Variants in NDUFV1 observed in about 807,000 individuals in gnomAD.
The protein encoded by NDUFV1 is NADH:ubiquinone oxidoreductase core subunit V1.
A neutral mutation model predicts 48.7 loss-of-function variants in NDUFV1; 41 were observed. The ratio of observed to expected loss-of-function variants is 0.84; its 90% confidence interval spans 0.66 to 1.09. The LOEUF (loss-of-function observed/expected upper bound fraction) is 1.09, where lower values mean the gene tolerates loss of function less well. NDUFV1 is among the 50% of genes least tolerant of loss of function. The pLI, the probability that NDUFV1 is intolerant of heterozygous loss-of-function variation, is 0.00. For synonymous variants in NDUFV1, 231 were observed against 259.1 expected, an observed-to-expected ratio of 0.89 and a Z score of 1.04; for missense variants, 580 against 645.4, an observed-to-expected ratio of 0.90 and a Z score of 1.10.
In NDUFV1 at chr11:67,609,522, C is replaced by T. The variant is rs1453596973; in HGVS notation, c.397C>T (p.His133Tyr). The change falls in exon 4 of 10, where the codon CAT becomes TAT. Residue 133 changes from histidine (H) to tyrosine (Y), a missense_variant. His to Tyr is a moderately conservative substitution (Grantham distance 83). Transcript: ENST00000322776. ...CTGCAAGGACCGGGAGATCTTACGC[C>T]ATGATCCTCACAAGCTGCTGGAAGG... ...GTCKDREILRHDPHKLLEGCL... is the reference protein window; with the variant it reads ...GTCKDREILRYDPHKLLEGCL... 1 of 1,613,394 alleles carries T rather than the reference C, an allele frequency of 6.2e-7. No homozygotes were observed. The highest frequency in any genetic ancestry group is 1.3e-5 in the African/African-American group (1 of 74,912).
intron 4 of NDUFV1, chr11:67,610,115 C>T: frequency 3.8e-6 from 2 of 529,872 alleles, no homozygotes; most frequent in South Asian, 2.2e-5. Flanking sequence ...CCTTTACAGA[C>T]TAGGGTAGTT....
At position 67,611,332 on chromosome 11, in the gene NDUFV1, T is replaced by C; in HGVS notation, c.914-71T>C. The C allele has an allele frequency of 1.3e-6, 2 of 1,599,052 alleles. No individual in the cohort carries two copies. Among genetic ancestry groups the C allele is most frequent in the Non-Finnish European group, 1.7e-6 (2 of 1,171,044 alleles). ...CTAGGGGCTGACTAAGGGCCTGGGC[T>C]CAGGACTAGGCAGGTGTGCCGGCCC... On this transcript the variant is annotated intron_variant, in intron 6 of 9. Transcript: ENST00000322776. This position sits in a 1 kb window ranked among gnomAD's most constrained non-coding sequence, Gnocchi z 4.2.
rs1316287327 is a variant in NDUFV1, at chr11:67,606,993, TGGCCCGCCGCGATGCTGGCAACAC to T, written c.-8_16del. The T allele has an allele frequency of 5.6e-6, 9 of 1,608,880 alleles. No homozygotes were observed. Among genetic ancestry groups the T allele is most frequent in the Non-Finnish European group, 7.6e-6 (9 of 1,178,388 alleles). On this transcript the variant is annotated start_lost and 5_prime_UTR_variant, in exon 1 of 10. Coordinates refer to ENST00000322776, the MANE Select transcript of NDUFV1 (RefSeq NM_007103.4). ...AGGTGACAGCGTGAGGTGACCCATC[TGGCCCGCCGCGATGCTGGCAACAC>T]GGCGGCTGCTCGGCTGGTCGCTTCC...
At position 67,611,244 on chromosome 11, in the gene NDUFV1, G is replaced by A. The variant is rs533111466; in HGVS notation, c.913+37G>A. ...GGCCAGCCAGGTGGTGGGGGGGTGC[G>A]CAGTGGGGGCAGGTGTCCACAAAGA... On this transcript the variant is annotated intron_variant, in intron 6 of 9. Coordinates refer to ENST00000322776, the MANE Select transcript of NDUFV1 (RefSeq NM_007103.4). The surrounding 1 kb of genome is among the most constrained non-coding windows in gnomAD (Gnocchi z 4.2). 3.2e-5 allele frequency: 49 copies of A among 1,526,728 alleles called. No homozygotes were observed. The highest frequency in any genetic ancestry group is 9.0e-5 in the East Asian group (4 of 44,388). The allele number at this position is 1,526,728 out of a possible 1,614,324, so 94.6% of individuals were successfully genotyped here.
chr11:67,609,760 G>C, intron 4 of NDUFV1, 125 bp downstream of exon 4: 1 of 1,129,226 alleles, frequency 8.9e-7, no homozygotes, highest in Non-Finnish European at 1.3e-6. Context: ...GGGGAGTGGT[G>C]GCCAGTCCTG....
In NDUFV1 at chr11:67,612,154, C is replaced by A; in HGVS notation, c.1197C>A (p.Phe399Leu). The A allele has an allele frequency of 6.2e-7, 1 of 1,613,532 alleles. No homozygotes were observed. Among genetic ancestry groups the A allele is most frequent in the East Asian group, 2.2e-5 (1 of 44,786 alleles). Residue 399 changes from phenylalanine to leucine, a missense_variant, in exon 9 of 10, where the codon TTC becomes TTA. Physicochemically the swap from Phe to Leu is conservative, Grantham distance 22 (BLOSUM62 0). Transcript: ENST00000322776. The surrounding 1 kb of genome is among the most constrained non-coding windows in gnomAD (Gnocchi z 4.4). ...GGATGAACAAGGTGATGGCACGTTT[C>A]GTGAGGGGGGATGCCCGGCCGGCCG... ...VDWMNKVMAR[F>L]VRGDARPAEI... is the part of the protein sequence containing the mutation.
rs185768908 is a variant in NDUFV1, at chr11:67,610,600, T to A, written c.700+30T>A. The A allele has an allele frequency of 7.8e-5, 126 of 1,611,980 alleles. No homozygotes were observed. In the African/African-American group the frequency reaches 1.5e-3, roughly 19 times the overall value. ...GGCCTGGCGTAACCCTGGGTCAGACTGTGTCCTGTGACACCCGGGATCTGG... is the reference window on the plus strand; with the variant it reads ...GGCCTGGCGTAACCCTGGGTCAGACAGTGTCCTGTGACACCCGGGATCTGG... On this transcript the variant is annotated intron_variant, in intron 5 of 9. Coordinates refer to ENST00000322776, the MANE Select transcript of NDUFV1 (RefSeq NM_007103.4).
In NDUFV1 at chr11:67,612,097, C is replaced by G. The variant is rs1238918850; in HGVS notation, c.1163-23C>G. 1 of 1,613,558 alleles carries G rather than the reference C, an allele frequency of 6.2e-7. No homozygotes were observed. Among genetic ancestry groups the G allele is most frequent in the South Asian group, 1.1e-5 (1 of 91,054 alleles). On this transcript the variant is annotated intron_variant, in intron 8 of 9. Coordinates refer to ENST00000322776, the MANE Select transcript of NDUFV1 (RefSeq NM_007103.4). The surrounding 1 kb of genome is among the most constrained non-coding windows in gnomAD (Gnocchi z 4.4). Reference sequence around the variant, plus strand: ...TCCTGGCTGGGGAGATCATCAGGCCCTCTCTTGTGGCTGTGGCTGCAGGTG... The same window carrying G: ...TCCTGGCTGGGGAGATCATCAGGCCGTCTCTTGTGGCTGTGGCTGCAGGTG...
rs1854895045 is a variant in NDUFV1 at position 67,610,587 on chromosome 11, C to T, written c.700+17C>T. On this transcript the variant is annotated intron_variant, in intron 5 of 9. Transcript: ENST00000322776. ...CAGACGTGGGTAAGGCCTGGCGTAA[C>T]CCTGGGTCAGACTGTGTCCTGTGAC... 8 of 1,613,108 alleles carry T rather than the reference C, an allele frequency of 5.0e-6. No individual in the cohort carries two copies. The highest frequency in any genetic ancestry group is 2.2e-5 in the South Asian group (2 of 91,026).
At chr11:67,607,723 C>T (rs1324224300) in intron 1 of NDUFV1, 4 of 341,494 alleles carry the variant, frequency 1.2e-5, no homozygotes, top group South Asian at 6.6e-5. Context: ...TGTGTGGTGC[C>T]GTGATGCAGC....
At chr11:67,610,277 G>A in intron 4 of NDUFV1, 104 bp from the exon 5 acceptor site, 6 of 1,344,358 alleles carry the variant, frequency 4.5e-6, no homozygotes, top group Non-Finnish European at 6.4e-6. Context: ...AGGAGCATTA[G>A]GAGCTTCACC....
chr11:67,610,973 T>C, intron 5 of NDUFV1, 22 bp from the exon 6 acceptor site: 1 of 1,613,558 alleles, frequency 6.2e-7, no homozygotes, highest in African/African-American at 1.3e-5. Flanking sequence ...CAGCCACCAG[T>C]TCTCTTCCCA....
chr11:67,611,194 T>G lies in NDUFV1; in HGVS notation c.900T>G (p.Ile300Met), dbSNP rs1371788537. 1 of 1,612,914 alleles carries G rather than the reference T, an allele frequency of 6.2e-7. No homozygotes were observed. Among genetic ancestry groups the G allele is most frequent in the Non-Finnish European group, 8.5e-7 (1 of 1,179,644 alleles). The change falls in exon 6 of 10, where the codon ATT becomes ATG. Residue 300 changes from isoleucine (I) to methionine (M), a missense_variant. Ile to Met is a conservative substitution (Grantham distance 10). Coordinates refer to ENST00000322776, the MANE Select transcript of NDUFV1 (RefSeq NM_007103.4). This position sits in a 1 kb window ranked among gnomAD's most constrained non-coding sequence, Gnocchi z 4.2. ...TGTCTGTGCCCTTGAAAGAACTGAT[T>G]GAGAAGCATGCTGGTAAGGCCTGGG... ...EEMSVPLKEL[I>M]EKHAGGVTGG...
At chr11:67,607,546 C>T (rs953941913) in intron 1 of NDUFV1, 13 of 455,970 alleles carry the variant, frequency 2.9e-5, no homozygotes, top group African/African-American at 1.8e-4. Context: ...CTAAGTGAGC[C>T]CCTCCATCAC....
In NDUFV1 at chr11:67,611,297, G is replaced by C; in HGVS notation, c.913+90G>C. The C allele has an allele frequency of 1.3e-6, 2 of 1,593,056 alleles. No homozygotes were observed. The highest frequency in any genetic ancestry group is 1.7e-6 in the Non-Finnish European group (2 of 1,165,960). Reference sequence around the variant, plus strand: ...GCCTGGGCGGGAGGGCTCAGGAGACGGGGCTGGGTCTAGGGGCTGACTAAG... The same window carrying C: ...GCCTGGGCGGGAGGGCTCAGGAGACCGGGCTGGGTCTAGGGGCTGACTAAG... On this transcript the variant is annotated intron_variant, in intron 6 of 9. Transcript: ENST00000322776. This position sits in a 1 kb window ranked among gnomAD's most constrained non-coding sequence, Gnocchi z 4.2.
rs974447628 is a variant in NDUFV1, at chr11:67,611,776, G to T, written c.1081-121G>T. On this transcript the variant is annotated intron_variant, in intron 7 of 9. Coordinates refer to ENST00000322776, the MANE Select transcript of NDUFV1 (RefSeq NM_007103.4). This position sits in a 1 kb window ranked among gnomAD's most constrained non-coding sequence, Gnocchi z 4.2. ...AGGGGGCCCAGGGAGGCTGGAGGAG[G>T]CCAGAACGCTGGGTGGGCTGGGAAG... The T allele has an allele frequency of 1.4e-6, 2 of 1,438,860 alleles. No homozygotes were observed. Among genetic ancestry groups the T allele is most frequent in the African/African-American group, 2.8e-5 (2 of 71,338 alleles). The allele number at this position is 1,438,860 out of a possible 1,614,324, so 89.1% of individuals were successfully genotyped here. A position where few individuals can be genotyped will look rare whatever the true frequency, so the allele number is the denominator to read the frequency against.
rs1257762213 is a variant in NDUFV1 at position 67,612,481 on chromosome 11, C to T, written c.*23C>T. 6.2e-7 allele frequency: 1 copy of T among 1,605,488 alleles called. No individual in the cohort carries two copies. The highest frequency in any genetic ancestry group is 8.5e-7 in the Non-Finnish European group (1 of 1,176,722). ...TAGCCCACCACCCTGGCCTGCTGTC[C>T]TGCGTCTATCCATGTGGAATGCTGG... On this transcript the variant is annotated 3_prime_UTR_variant, in exon 10 of 10. Transcript: ENST00000322776. The surrounding 1 kb of genome is among the most constrained non-coding windows in gnomAD (Gnocchi z 4.4).
chr11:67,611,481 T>C lies in NDUFV1; in HGVS notation c.992T>C (p.Val331Ala). 1 of 1,614,010 alleles carries C rather than the reference T, an allele frequency of 6.2e-7. No homozygotes were observed. The highest frequency in any genetic ancestry group is 8.5e-7 in the Non-Finnish European group (1 of 1,179,978). ...GSSTPLIPKS[V>A]CETVLMDFDA... The stretch of plus-strand genomic sequence containing the variant: ...TCTACCCCACTGATCCCCAAGTCTG[T>C]GTGTGAGACGGTGCTGATGGACTTC... The change falls in exon 7 of 10, where the codon GTG becomes GCG. Residue 331 changes from valine to alanine, a missense_variant. Val to Ala is a moderately conservative substitution (Grantham distance 64, BLOSUM62 0). Transcript: ENST00000322776. This position sits in a 1 kb window ranked among gnomAD's most constrained non-coding sequence, Gnocchi z 4.2.
In NDUFV1 at chr11:67,611,836, G is replaced by A. The variant is rs1854921741; in HGVS notation, c.1081-61G>A. 3.1e-6 allele frequency: 5 copies of A among 1,589,232 alleles called. No homozygotes were observed. The Admixed American group carries it at 8.3e-5, about 27-fold the overall frequency. On this transcript the variant is annotated intron_variant, in intron 7 of 9. Transcript: ENST00000322776. The surrounding 1 kb of genome is among the most constrained non-coding windows in gnomAD (Gnocchi z 4.2). ...AACTGGGGGAGGGGCTGCTGCTAGGGGGCTGAGGCCCAGGCTTCTGTCTGG... is the reference window on the plus strand; with the variant it reads ...AACTGGGGGAGGGGCTGCTGCTAGGAGGCTGAGGCCCAGGCTTCTGTCTGG...
Sources: gnomAD v4.1 joint callset for allele counts on GRCh38, gnomAD v4.1.1 for gene constraint, Gnocchi (gnomAD v3.1) non-coding constraint, MANE v1.5 for transcripts, NCBI Gene and HGNC (gene_info 2026-07-23, HGNC 2026-07-21) for gene names.